Variants in DOK6 observed in about 807,000 individuals in gnomAD.
DOK6 encodes the protein downstream of tyrosine kinase 6.
A neutral mutation model predicts 44.0 loss-of-function variants in DOK6; 22 were observed. The ratio of observed to expected loss-of-function variants is 0.50; its 90% CI spans 0.36 to 0.71. The LOEUF (loss-of-function observed/expected upper bound fraction) is 0.71, where lower values mean the gene tolerates loss of function less well. Ranked by LOEUF, DOK6 falls within the 30% of genes least tolerant of loss-of-function variation. The pLI, the probability that DOK6 is intolerant of heterozygous loss-of-function variation, is 0.00. For synonymous variants in DOK6, 166 were observed against 145.5 expected (o/e 1.14, Z -1.01); for missense variants, 340 against 416.4 (o/e 0.82, Z 1.60).
intron 3 of DOK6, among the ~76,000 whole-genome samples, chr18:69,677,184 A>G (rs1985941083): frequency 6.6e-6 from 1 of 152,098 alleles, no homozygotes. Context: ...TACAAATCTA[A>G]GTCACTTTCA....
At chr18:69,446,855 C>G (rs1167616617) in intron 1 of DOK6, among the ~76,000 whole-genome samples, 2 of 152,194 alleles carry the variant, frequency 1.3e-5, no homozygotes, top group African/African-American at 4.8e-5. Flanking sequence ...TAAACGTCTT[C>G]TTTTGAAAAA....
At chr18:69,784,240 T>A (rs1023411651) in intron 7 of DOK6, among the ~76,000 whole-genome samples, 25 of 152,162 alleles carry the variant, frequency 1.6e-4, no homozygotes, top group African/African-American at 6.0e-4. Flanking sequence ...ATTACCATCA[T>A]AACGGATTAC....
At chr18:69,407,504 C>T (rs568584262) in intron 1 of DOK6, among the ~76,000 whole-genome samples, 9 of 152,278 alleles carry the variant, frequency 5.9e-5, no homozygotes, top group Admixed American at 1.3e-4. Flanking sequence ...GTAACTTTGT[C>T]CACAGAGTCC....
intron 1 of DOK6, among the ~76,000 whole-genome samples, chr18:69,512,635 C>T (rs907623674): frequency 1.2e-4 from 18 of 152,212 alleles, no homozygotes; most frequent in Non-Finnish European, 2.5e-4. Flanking sequence ...TGAGCCACCG[C>T]GCCTGGCCAG....
At chr18:69,655,518 C>T (rs981469114) in intron 3 of DOK6, among the ~76,000 whole-genome samples, 2 of 151,670 alleles carry the variant, frequency 1.3e-5, no homozygotes, top group African/African-American at 4.8e-5. Context: ...GTTGGGAGGT[C>T]GAGGTGGGTG....
chr18:69,611,132 C>A (rs1008752774), intron 3 of DOK6, among the ~76,000 whole-genome samples: 1 of 152,036 alleles, frequency 6.6e-6, no homozygotes, highest in Non-Finnish European at 1.5e-5. Context: ...AAGAAAACAT[C>A]AAGTATACAA....
chr18:69,510,114 A>G (rs1981324471), intron 1 of DOK6, among the ~76,000 whole-genome samples: 1 of 152,204 alleles, frequency 6.6e-6, no homozygotes, highest in South Asian at 2.1e-4. Context: ...GAAACTTGCT[A>G]TTATTTTAAA....
chr18:69,818,084 C>T (rs1981453750), intron 7 of DOK6, among the ~76,000 whole-genome samples: 1 of 152,148 alleles, frequency 6.6e-6, no homozygotes, highest in Non-Finnish European at 1.5e-5. Flanking sequence ...GGAAGGATCC[C>T]CTTCAAGTTT....
At chr18:69,694,855 A>G (rs1986356953) in intron 4 of DOK6, among the ~76,000 whole-genome samples, 1 of 152,298 alleles carries the variant, frequency 6.6e-6, no homozygotes, top group Admixed American at 6.5e-5. Context: ...GTTGTCAATC[A>G]TCTGATAAGG....
At chr18:69,783,811 A>G (rs1194955646) in intron 7 of DOK6, among the ~76,000 whole-genome samples, 2 of 152,192 alleles carry the variant, frequency 1.3e-5, no homozygotes, top group African/African-American at 4.8e-5. Flanking sequence ...AATATCATTT[A>G]ATTTTTCAAA....
intron 1 of DOK6, among the ~76,000 whole-genome samples, chr18:69,410,431 A>C (rs1403452305): frequency 6.6e-6 from 1 of 152,244 alleles, no homozygotes; most frequent in African/African-American, 2.4e-5. Flanking sequence ...AAAATATGTA[A>C]CATGCTAGAC....
At chr18:69,434,944 G>A (rs1159568994) in intron 1 of DOK6, among the ~76,000 whole-genome samples, 1 of 127,686 alleles carries the variant, frequency 7.8e-6, no homozygotes, top group Non-Finnish European at 1.7e-5. Context: ...GGGAGGGAGG[G>A]AGGGAGGGAG....
intron 3 of DOK6, chr18:69,660,357 GA>G (rs1248320047): frequency 6.6e-6 from 1 of 152,102 alleles, no homozygotes; most frequent in Admixed American, 6.5e-5. Context: ...GCTAATGAAT[GA>G]AAAATTTCCA....
intron 1 of DOK6, among the ~76,000 whole-genome samples, chr18:69,430,109 A>G (rs1185484929): frequency 1.3e-5 from 2 of 152,168 alleles, no homozygotes; most frequent in African/African-American, 2.4e-5. Context: ...TAGAGGGACA[A>G]TTATAACTAT....
chr18:69,702,122 C>T (rs1460005539), intron 5 of DOK6, among the ~76,000 whole-genome samples: 1 of 148,928 alleles, frequency 6.7e-6, no homozygotes, highest in African/African-American at 2.5e-5. Context: ...TTATCAATGC[C>T]CTTCTGGGTT....
chr18:69,649,565 G>T (rs1184268254), intron 3 of DOK6, among the ~76,000 whole-genome samples: 1 of 152,098 alleles, frequency 6.6e-6, no homozygotes, highest in Non-Finnish European at 1.5e-5. Context: ...AACTTTTTCT[G>T]CATCCCCCTT....
intron 1 of DOK6, among the ~76,000 whole-genome samples, chr18:69,487,543 A>G (rs1413857652): frequency 1.3e-5 from 2 of 152,106 alleles, no homozygotes; most frequent in African/African-American, 4.8e-5. Flanking sequence ...ATATGAGATA[A>G]CCAAAAGTTC....
chr18:69,665,105 C>T (rs915991052), intron 3 of DOK6, among the ~76,000 whole-genome samples: 13 of 151,942 alleles, frequency 8.6e-5, no homozygotes, highest in East Asian at 5.8e-4. Context: ...CGCTTGAACA[C>T]GGGAGATGGA....
chr18:69,493,940 C>T (rs1239497069), intron 1 of DOK6, among the ~76,000 whole-genome samples: 2 of 152,122 alleles, frequency 1.3e-5, no homozygotes, highest in African/African-American at 4.8e-5. Context: ...AACACATAAT[C>T]ATGCATTCAG....
Sources: allele counts gnomAD v4.1 joint callset (sites outside exome capture counted in the v4.1 genomes callset), GRCh38; gene constraint gnomAD v4.1.1; transcripts MANE v1.5; gene names NCBI Gene and HGNC (gene_info 2026-07-23, HGNC 2026-07-21).